STK32B: variants seen among roughly 807,000 people sequenced by gnomAD.
The protein encoded by STK32B is serine/threonine-protein kinase 32B.
In STK32B, 43 loss-of-function variants were observed where a neutral mutation model predicts 52.6. That is an observed-to-expected ratio of 0.82 (90% confidence interval 0.64 to 1.05). The LOEUF (loss-of-function observed/expected upper bound fraction) is 1.05, where lower values mean the gene tolerates loss of function less well. Ranked by LOEUF, STK32B falls within the 50% of genes least tolerant of loss-of-function variation. The pLI, the probability that STK32B is intolerant of heterozygous loss-of-function variation, is 0.00. For synonymous variants in STK32B, 238 were observed against 204.3 expected (o/e 1.17, Z -1.41); for missense variants, 621 against 534.6 (o/e 1.16, Z -1.59).
chr4:5,421,841 TTA>T (rs1712676119), intron 6 of STK32B, among the ~76,000 whole-genome samples: 1 of 152,204 alleles, frequency 6.6e-6, no homozygotes, highest in African/African-American at 2.4e-5. Context: ...ATCTCTTATT[TTA>T]TGTGTGAGGA....
intron 1 of STK32B, among the ~76,000 whole-genome samples, chr4:5,056,147 G>A (rs948464656): frequency 6.6e-6 from 1 of 152,146 alleles, no homozygotes; most frequent in African/African-American, 2.4e-5. Context: ...AACTGTGCAT[G>A]TGAGGGATCT....
At chr4:5,052,477 C>T (rs1231289796) in intron 1 of STK32B, among the ~76,000 whole-genome samples, 2 of 152,104 alleles carry the variant, frequency 1.3e-5, no homozygotes, top group Admixed American at 1.3e-4. Context: ...CAGCCTCCCC[C>T]TGGCGCAGAA....
intron 3 of STK32B, among the ~76,000 whole-genome samples, chr4:5,203,837 C>G (rs550775027): frequency 1.3e-5 from 2 of 152,166 alleles, no homozygotes; most frequent in African/African-American, 4.8e-5. Context: ...TTCAGGGGCC[C>G]GCCCTTGCAC....
chr4:5,480,502 A>T (rs1378370410), intron 11 of STK32B, among the ~76,000 whole-genome samples: 1 of 152,180 alleles, frequency 6.6e-6, no homozygotes, highest in Non-Finnish European at 1.5e-5. Context: ...CTGGTTAACA[A>T]TTAGTTGAGT....
At chr4:5,192,141 C>T (rs776362908) in intron 3 of STK32B, among the ~76,000 whole-genome samples, 4 of 152,196 alleles carry the variant, frequency 2.6e-5, no homozygotes, top group Non-Finnish European at 4.4e-5. Context: ...ATGCCAGCAC[C>T]GAATGACAGG....
intron 1 of STK32B, among the ~76,000 whole-genome samples, chr4:5,113,194 T>A (rs1714504853): frequency 6.6e-6 from 1 of 152,094 alleles, no homozygotes; most frequent in East Asian, 1.9e-4. Context: ...GGGATTAGTG[T>A]CCTTATAAGA....
At chr4:5,278,441 G>T (rs1727983817) in intron 3 of STK32B, among the ~76,000 whole-genome samples, 1 of 152,126 alleles carries the variant, frequency 6.6e-6, no homozygotes, top group Non-Finnish European at 1.5e-5. Flanking sequence ...CAGGGAGTAT[G>T]AACTGAAACT....
intron 4 of STK32B, among the ~76,000 whole-genome samples, chr4:5,370,693 T>A (rs1696330640): frequency 6.6e-6 from 1 of 151,992 alleles, no homozygotes; most frequent in Non-Finnish European, 1.5e-5. Context: ...AAAAATTGTT[T>A]AAAAAAATTA....
At chr4:5,253,132 C>T (rs1489803866) in intron 3 of STK32B, among the ~76,000 whole-genome samples, 5 of 152,016 alleles carry the variant, frequency 3.3e-5, no homozygotes, top group Non-Finnish European at 5.9e-5. Flanking sequence ...TTCAGGAAGC[C>T]TCTGGGAAGC....
At position 5,484,603 on chromosome 4, in the gene STK32B, T is replaced by G. The variant is rs1225185488; in HGVS notation, c.1107-14342T>G. Among the ~76,000 whole-genome samples the G allele has an allele frequency of 2.0e-5, 3 of 152,192 alleles. 1 individual carries two copies. The highest frequency in any genetic ancestry group is 4.4e-5 in the Non-Finnish European group (3 of 68,044). On this transcript the variant is annotated intron_variant, in intron 11 of 11. Transcript: ENST00000282908. ...GCCCATTTACATTTCAGGTTAATATTGTTACGTGTGAATTTGATCCTGTCA... is the reference window on the plus strand; with the variant it reads ...GCCCATTTACATTTCAGGTTAATATGGTTACGTGTGAATTTGATCCTGTCA...
intron 1 of STK32B, among the ~76,000 whole-genome samples, chr4:5,062,107 C>T (rs928133753): frequency 8.5e-5 from 13 of 152,186 alleles, no homozygotes; most frequent in African/African-American, 2.7e-4. Flanking sequence ...TGTACACGAG[C>T]GCCTTCTGTT....
chr4:5,471,247 G>A (rs575212346), intron 11 of STK32B, among the ~76,000 whole-genome samples: 4 of 152,186 alleles, frequency 2.6e-5, no homozygotes, highest in African/African-American at 9.7e-5. Context: ...TTCAGAATGT[G>A]ACCTTATTTG....
intron 3 of STK32B, among the ~76,000 whole-genome samples, chr4:5,174,771 T>C (rs1168353685): frequency 2.0e-5 from 3 of 152,206 alleles, no homozygotes; most frequent in Non-Finnish European, 4.4e-5. Context: ...AATCTGACAA[T>C]TATGTATCTT....
intron 6 of STK32B, among the ~76,000 whole-genome samples, chr4:5,423,596 A>G (rs113520412): frequency 1.3e-5 from 2 of 152,346 alleles, no homozygotes; most frequent in African/African-American, 4.8e-5. Flanking sequence ...CACAGAGCCA[A>G]ATCCAACATT....
At chr4:5,208,416 T>C (rs1278704886) in intron 3 of STK32B, among the ~76,000 whole-genome samples, 1 of 152,246 alleles carries the variant, frequency 6.6e-6, no homozygotes, top group Non-Finnish European at 1.5e-5. Context: ...GAGAACCAAG[T>C]CTCATATATG....
intron 5 of STK32B, among the ~76,000 whole-genome samples, chr4:5,407,298 A>G (rs1043247902): frequency 6.6e-6 from 1 of 152,116 alleles, no homozygotes; most frequent in African/African-American, 2.4e-5. Context: ...CATTTTGGTC[A>G]CAATTTAACA....
intron 3 of STK32B, among the ~76,000 whole-genome samples, chr4:5,264,889 G>C (rs1278746897): frequency 2.0e-5 from 3 of 152,088 alleles, no homozygotes; most frequent in Non-Finnish European, 4.4e-5. Flanking sequence ...CCAACATATG[G>C]CTTGCTTTTT....
At chr4:5,174,262 C>G (rs147339788) in intron 3 of STK32B, among the ~76,000 whole-genome samples, 28,550 of 152,064 alleles carry the variant, frequency 0.19, 3,381 homozygotes, top group East Asian at 0.31. Context: ...TCCAGTTTGC[C>G]AGTTTGTGTT....
chr4:5,315,992 A>G (rs979138535), intron 3 of STK32B, among the ~76,000 whole-genome samples: 2 of 150,290 alleles, frequency 1.3e-5, no homozygotes, highest in Non-Finnish European at 2.9e-5. Flanking sequence ...GGTGTGAGCC[A>G]CCGGGACTGG....
Sources: allele counts gnomAD v4.1 joint callset (sites outside exome capture counted in the v4.1 genomes callset), GRCh38; gene constraint gnomAD v4.1.1; transcripts MANE v1.5; gene names NCBI Gene and HGNC (gene_info 2026-07-23, HGNC 2026-07-21).